Variants in GLT1D1 observed in about 807,000 individuals in gnomAD.
GLT1D1 encodes the protein glycosyltransferase 1 domain containing 1.
Under a neutral mutation model 28.7 loss-of-function variants are expected in GLT1D1, and 21 were observed. The ratio of observed to expected loss-of-function variants is 0.73; its 90% CI spans 0.52 to 1.05. The LOEUF is 1.05. Among genes scored for constraint, GLT1D1 ranks in the 50% least tolerant of loss-of-function variants. The pLI is 0.00. For synonymous variants in GLT1D1, 147 were observed against 124.8 expected, an observed-to-expected ratio of 1.18 and a Z score of -1.19; for missense variants, 343 against 330.6, an observed-to-expected ratio of 1.04 and a Z score of -0.29.
intron 4 of GLT1D1, 131 bp from the exon 7 acceptor site, chr12:128,926,228 A>T (rs1309598996): frequency 4.3e-6 from 1 of 230,138 alleles, no homozygotes; most frequent in Admixed American, 5.7e-5. Flanking sequence ...AATAATAATA[A>T]TAATAATAAG....
chr12:128,902,345 T>C (rs911986042), intron 4 of GLT1D1, among the ~76,000 whole-genome samples: 21 of 151,074 alleles, frequency 1.4e-4, no homozygotes, highest in Non-Finnish European at 2.8e-4. Context: ...TAGCCAGGCA[T>C]GGTGGTGCGT....
At chr12:128,920,739 A>G (rs1350742475) in intron 4 of GLT1D1, among the ~76,000 whole-genome samples, 2 of 152,184 alleles carry the variant, frequency 1.3e-5, no homozygotes, top group Non-Finnish European at 1.5e-5. Flanking sequence ...TGAAAACAAC[A>G]CATTTTGTTT....
At chr12:128,956,910 G>A (rs1327804606) in intron 6 of GLT1D1, among the ~76,000 whole-genome samples, 1 of 152,206 alleles carries the variant, frequency 6.6e-6, no homozygotes, top group African/African-American at 2.4e-5. Flanking sequence ...TTAGAACACT[G>A]TAGAAAGAGA....
intron 3 of GLT1D1, among the ~76,000 whole-genome samples, chr12:128,898,140 CT>C (rs1380805144): frequency 6.6e-6 from 1 of 151,422 alleles, no homozygotes; most frequent in East Asian, 1.9e-4. Context: ...CTTCCTCTTC[CT>C]CTTCTTCCTC....
chr12:128,946,651 T>C (rs1267963872), intron 5 of GLT1D1, among the ~76,000 whole-genome samples: 2 of 131,148 alleles, frequency 1.5e-5, no homozygotes, highest in Non-Finnish European at 3.2e-5. Context: ...TTTTTTTTTT[T>C]TTTTTTTTTT....
chr12:128,857,307 A>G (rs1326291810), intron 1 of GLT1D1, among the ~76,000 whole-genome samples: 1 of 152,200 alleles, frequency 6.6e-6, no homozygotes, highest in African/African-American at 2.4e-5. Context: ...GGGTTTATGC[A>G]GAAGGTTGAC....
intron 3 of GLT1D1, among the ~76,000 whole-genome samples, chr12:128,897,881 G>GA (rs1458265825): frequency 4.6e-5 from 7 of 152,094 alleles, no homozygotes; most frequent in South Asian, 2.1e-4. Context: ...TGTTAGCCAG[G>GA]TGGTCTCGAT....
At chr12:128,878,505 T>C (rs761203661) in intron 2 of GLT1D1, among the ~76,000 whole-genome samples, 1 of 152,262 alleles carries the variant, frequency 6.6e-6, no homozygotes, top group Non-Finnish European at 1.5e-5. Flanking sequence ...CATCCGTGCC[T>C]GAACAATCTA....
chr12:128,898,146 TTCCTCC>T (rs758801379), intron 3 of GLT1D1, among the ~76,000 whole-genome samples: 1 of 151,942 alleles, frequency 6.6e-6, no homozygotes, highest in African/African-American at 2.4e-5. Context: ...CTTCCTCTTC[TTCCTCC>T]TCCTCCTCCT....
At chr12:128,981,064 T>C (rs1266743111) in intron 7 of GLT1D1, among the ~76,000 whole-genome samples, 1 of 152,112 alleles carries the variant, frequency 6.6e-6, no homozygotes, top group Non-Finnish European at 1.5e-5. Context: ...CCTCAGGGAG[T>C]GACTTAGGAT....
At position 128,891,901 on chromosome 12, in the gene GLT1D1, A is replaced by C. The variant is rs188935849; in HGVS notation, c.323+3157A>C. On this transcript the variant is annotated intron_variant, in intron 3 of 7. Transcript: ENST00000281703. ...CCCAGCCTCAAGAGGTCCTGATGACACGTGCCCAAGGTGGTCAGGCACAGG... is the reference window on the plus strand; with the variant it reads ...CCCAGCCTCAAGAGGTCCTGATGACCCGTGCCCAAGGTGGTCAGGCACAGG... Among the ~76,000 whole-genome samples the C allele has an allele frequency of 2.5e-3, 382 of 152,278 alleles. 3 individuals are homozygous for C. Among genetic ancestry groups the C allele is most frequent in the African/African-American group, 8.9e-3 (371 of 41,562 alleles).
intron 1 of GLT1D1, among the ~76,000 whole-genome samples, chr12:128,863,977 G>T (rs1189484140): frequency 7.6e-5 from 11 of 145,244 alleles, no homozygotes; most frequent in Non-Finnish European, 4.5e-5. Context: ...AAAGTGTATA[G>T]ATCTGAATAC....
Position 128,928,873 on chromosome 12 carries a change from C to T in GLT1D1, c.376-16453C>T, listed in dbSNP as rs143834689. ...CCGACCTCAGGTGATCCACCTGCCT[C>T]GACCTCACAAAGTGCTGGGATTCCA... On this transcript the variant is annotated intron_variant, in intron 4 of 7. Transcript: ENST00000281703. 4.5e-3 allele frequency among the ~76,000 whole-genome samples: 679 copies of T among 152,222 alleles called. 4 individuals are homozygous for T. The highest frequency in any genetic ancestry group is 0.015 in the African/African-American group (619 of 41,538).
At chr12:128,970,055 C>T (rs1312641580) in intron 7 of GLT1D1, among the ~76,000 whole-genome samples, 1 of 152,242 alleles carries the variant, frequency 6.6e-6, no homozygotes, top group African/African-American at 2.4e-5. Flanking sequence ...GTGCTTGCCT[C>T]ACATCAAAAC....
chr12:128,909,755 A>G (rs1312145654), intron 4 of GLT1D1, among the ~76,000 whole-genome samples: 2 of 152,254 alleles, frequency 1.3e-5, no homozygotes, highest in Non-Finnish European at 2.9e-5. Flanking sequence ...TTAGAAGTCC[A>G]TCTATTTATA....
intron 6 of GLT1D1, among the ~76,000 whole-genome samples, chr12:128,954,878 C>T (rs1281693936): frequency 1.3e-5 from 2 of 152,160 alleles, no homozygotes; most frequent in African/African-American, 4.8e-5. Flanking sequence ...TGCTTGAGCC[C>T]AGGAGGTGAA....
intron 4 of GLT1D1, chr12:128,944,428 G>A (rs1593169365): frequency 7.5e-7 from 1 of 1,330,988 alleles, no homozygotes; most frequent in South Asian, 1.2e-5. Flanking sequence ...GGCTTCATAA[G>A]CCTTTAGTCT....
chr12:128,878,107 T>C (rs994533897), intron 2 of GLT1D1, among the ~76,000 whole-genome samples: 3 of 152,214 alleles, frequency 2.0e-5, no homozygotes, highest in African/African-American at 7.2e-5. Flanking sequence ...ACAATATCCT[T>C]CTGATTACAC....
intron 4 of GLT1D1, among the ~76,000 whole-genome samples, chr12:128,935,784 G>T (rs1219109368): frequency 6.6e-6 from 1 of 152,078 alleles, no homozygotes; most frequent in Non-Finnish European, 1.5e-5. Context: ...GTTTTTAGGT[G>T]CCGTACACAT....
Sources: allele counts gnomAD v4.1 joint callset (sites outside exome capture counted in the v4.1 genomes callset), GRCh38; gene constraint gnomAD v4.1.1; transcripts MANE v1.5; gene names NCBI Gene and HGNC (gene_info 2026-07-23, HGNC 2026-07-21).